The following EPHB1 variants were observed in gnomAD, a reference collection of about 807,000 sequenced individuals.
The protein encoded by EPHB1 is ephrin type-B receptor 1.
In EPHB1, 30 loss-of-function variants were observed where a neutral mutation model predicts 94.4. That is an observed-to-expected ratio of 0.32 (90% CI 0.24 to 0.43). EPHB1 has a LOEUF of 0.43. EPHB1 is among the 20% of genes least tolerant of loss of function. EPHB1 has a pLI of 1.00. For missense variants in EPHB1, 1,055 were observed against 1,308.3 expected (o/e 0.81, Z 2.99); for synonymous variants, 522 against 489.1 (o/e 1.07, Z -0.89).
intron 1 of EPHB1, among the ~76,000 whole-genome samples, chr3:134,855,523 C>A (rs897181039): frequency 2.0e-5 from 3 of 152,144 alleles, no homozygotes; most frequent in Non-Finnish European, 1.5e-5. Context: ...CAGCATGCAC[C>A]CTCTGATACC....
At chr3:134,958,928 GAC>G (rs1267603124) in intron 3 of EPHB1, among the ~76,000 whole-genome samples, 2 of 152,278 alleles carry the variant, frequency 1.3e-5, no homozygotes, top group South Asian at 2.1e-4. Flanking sequence ...CTGCCTTTGA[GAC>G]ACAGGGCTAG....
chr3:134,903,484 G>A (rs1342457607), intron 1 of EPHB1, among the ~76,000 whole-genome samples: 11 of 152,212 alleles, frequency 7.2e-5, no homozygotes, highest in African/African-American at 2.2e-4. Flanking sequence ...AGTGAGCACC[G>A]GCACTTTTAG....
intron 12 of EPHB1, among the ~76,000 whole-genome samples, chr3:135,229,475 C>T (rs142680687): frequency 2.2e-4 from 34 of 152,152 alleles, no homozygotes; most frequent in African/African-American, 7.7e-4. Flanking sequence ...AGAAGCATGG[C>T]CAGTGGACAC....
chr3:134,902,230 A>G (rs2038217239), intron 1 of EPHB1, among the ~76,000 whole-genome samples: 1 of 152,086 alleles, frequency 6.6e-6, no homozygotes, highest in African/African-American at 2.4e-5. Context: ...GGATATAGAG[A>G]TAGATGGAAT....
intron 1 of EPHB1, among the ~76,000 whole-genome samples, chr3:134,837,539 G>T (rs2036694247): frequency 6.6e-6 from 1 of 152,188 alleles, no homozygotes; most frequent in Non-Finnish European, 1.5e-5. Flanking sequence ...CGGGGAGGGG[G>T]CAACTACACC....
At chr3:135,146,995 A>G (rs1434549184) in intron 5 of EPHB1, among the ~76,000 whole-genome samples, 1 of 152,182 alleles carries the variant, frequency 6.6e-6, no homozygotes, top group Non-Finnish European at 1.5e-5. Flanking sequence ...TAATATTCCT[A>G]TTTTACAGTT....
At chr3:135,062,009 T>A (rs1937518315) in intron 3 of EPHB1, among the ~76,000 whole-genome samples, 1 of 152,216 alleles carries the variant, frequency 6.6e-6, no homozygotes, top group Admixed American at 6.5e-5. Flanking sequence ...GTTGGACATT[T>A]GGGTTGGTTC....
At chr3:135,205,090 T>C (rs530563782) in intron 12 of EPHB1, among the ~76,000 whole-genome samples, 115 of 152,170 alleles carry the variant, frequency 7.6e-4, no homozygotes, top group Middle Eastern at 3.4e-3. Context: ...ATAATGACCT[T>C]CAATTGCATC....
chr3:135,107,497 G>C (rs923877651), intron 4 of EPHB1, among the ~76,000 whole-genome samples: 1 of 152,202 alleles, frequency 6.6e-6, no homozygotes, highest in Non-Finnish European at 1.5e-5. Context: ...TTGGGAGTCA[G>C]TGCTCCAGGT....
chr3:135,210,978 T>C (rs1252684918), intron 12 of EPHB1, among the ~76,000 whole-genome samples: 1 of 152,196 alleles, frequency 6.6e-6, no homozygotes, highest in Non-Finnish European at 1.5e-5. Flanking sequence ...TGCATCCCTC[T>C]CCACCCCATG....
intron 12 of EPHB1, among the ~76,000 whole-genome samples, chr3:135,220,556 G>A (rs1354575633): frequency 4.0e-5 from 6 of 150,398 alleles, no homozygotes; most frequent in South Asian, 2.1e-4. Context: ...CAAGGTGCTC[G>A]CCTTTCCTCA....
intron 3 of EPHB1, among the ~76,000 whole-genome samples, chr3:135,087,278 C>T (rs963759409): frequency 1.3e-5 from 2 of 152,158 alleles, no homozygotes; most frequent in African/African-American, 4.8e-5. Flanking sequence ...ATTGACACAT[C>T]TTGGTGAAGC....
chr3:134,945,471 C>G (rs375132336), intron 2 of EPHB1, among the ~76,000 whole-genome samples: 1 of 152,090 alleles, frequency 6.6e-6, no homozygotes, highest in East Asian at 1.9e-4. Context: ...CTAGTTATCA[C>G]TACAATTTTT....
chr3:135,187,278 C>T (rs1942353512), intron 10 of EPHB1, among the ~76,000 whole-genome samples: 1 of 152,198 alleles, frequency 6.6e-6, no homozygotes, highest in African/African-American at 2.4e-5. Flanking sequence ...ACAACCACTC[C>T]CCAGCACAGT....
intron 1 of EPHB1, among the ~76,000 whole-genome samples, chr3:134,892,631 C>T (rs182505959): frequency 6.6e-6 from 1 of 152,252 alleles, no homozygotes; most frequent in Admixed American, 6.5e-5. Context: ...AATGGGATCT[C>T]TCTTGGTAGG....
intron 3 of EPHB1, among the ~76,000 whole-genome samples, chr3:134,979,818 A>G (rs1222534664): frequency 6.6e-6 from 1 of 152,162 alleles, no homozygotes; most frequent in Admixed American, 6.5e-5. Context: ...AAAAATGGAA[A>G]CAAGAGTGCT....
At chr3:135,234,627 G>A (rs773727724) in intron 12 of EPHB1, among the ~76,000 whole-genome samples, 1 of 152,204 alleles carries the variant, frequency 6.6e-6, no homozygotes, top group Non-Finnish European at 1.5e-5. Flanking sequence ...ATAAAGGAAA[G>A]AGGTTTAATT....
chr3:134,800,547 T>G (rs563398040), intron 1 of EPHB1, among the ~76,000 whole-genome samples: 1 of 152,272 alleles, frequency 6.6e-6, no homozygotes, highest in Middle Eastern at 3.4e-3. Flanking sequence ...CTCAGCAGGT[T>G]TGGATGGATC....
intron 3 of EPHB1, among the ~76,000 whole-genome samples, chr3:134,966,274 C>G (rs1316961679): frequency 6.6e-6 from 1 of 152,192 alleles, no homozygotes; most frequent in Non-Finnish European, 1.5e-5. Flanking sequence ...TGCAAATCAG[C>G]TGGCTTTTAA....
Sources: gnomAD v4.1 joint callset for allele counts (sites outside exome capture counted in the v4.1 genomes callset) on GRCh38, gnomAD v4.1.1 for gene constraint, MANE v1.5 for transcripts, NCBI Gene and HGNC (gene_info 2026-07-23, HGNC 2026-07-21) for gene names.